Variants in TNKS observed in about 807,000 individuals in gnomAD.
TNKS encodes the protein tankyrase.
Under a neutral mutation model 135.8 loss-of-function variants are expected in TNKS, and 72 were observed. The ratio of observed to expected loss-of-function variants is 0.53; its 90% confidence interval spans 0.44 to 0.64. The LOEUF is 0.64. Among genes scored for constraint, TNKS ranks in the 30% least tolerant of loss-of-function variants. The probability of loss-of-function intolerance (pLI) is 0.00; values close to 1 mark genes in which losing one functional copy is unlikely to be tolerated. For missense variants in TNKS, 1,769 were observed against 1,674.0 expected (o/e 1.06, Z -0.99); for synonymous variants, 849 against 649.3 (o/e 1.31, Z -4.68).
At chr8:9,560,202 T>C (rs1797269272) in intron 1 of TNKS, among the ~76,000 whole-genome samples, 1 of 152,106 alleles carries the variant, frequency 6.6e-6, no homozygotes. Context: ...TCTCTTTTTA[T>C]AGAAAAGTTT....
At chr8:9,696,740 C>T (rs1803531613) in intron 5 of TNKS, among the ~76,000 whole-genome samples, 1 of 151,960 alleles carries the variant, frequency 6.6e-6, no homozygotes, top group Admixed American at 6.6e-5. Flanking sequence ...ATATAGCTAT[C>T]CCAGAGAGAT....
intron 22 of TNKS, 24 bp downstream of exon 22, chr8:9,763,268 A>G: frequency 6.7e-7 from 1 of 1,486,178 alleles, no homozygotes; most frequent in Non-Finnish European, 9.2e-7. Flanking sequence ...GAAATCTTTC[A>G]TTTGCTTTTC....
At chr8:9,568,296 A>G (rs542313701) in intron 1 of TNKS, among the ~76,000 whole-genome samples, 34 of 152,314 alleles carry the variant, frequency 2.2e-4, no homozygotes, top group African/African-American at 7.5e-4. Flanking sequence ...TGAGTAGTTC[A>G]GTAACAGCTC....
chr8:9,641,841 C>T (rs953136442), intron 3 of TNKS, among the ~76,000 whole-genome samples: 3 of 145,942 alleles, frequency 2.1e-5, no homozygotes, highest in African/African-American at 7.6e-5. Flanking sequence ...CTGCACAAGT[C>T]GTTTTCTGTA....
intron 3 of TNKS, among the ~76,000 whole-genome samples, chr8:9,620,699 G>A (rs1799833128): frequency 6.6e-6 from 1 of 152,128 alleles, no homozygotes. Context: ...GCTAACATAA[G>A]CTATTTACTG....
chr8:9,657,970 G>A (rs867579203), intron 3 of TNKS, among the ~76,000 whole-genome samples: 828 of 60,586 alleles, frequency 0.014, 17 homozygotes, highest in African/African-American at 0.045. Flanking sequence ...ACGGGGTCTC[G>A]GCCGGGCAGA....
chr8:9,645,258 G>C (rs1044109770), intron 3 of TNKS, among the ~76,000 whole-genome samples: 15 of 152,116 alleles, frequency 9.9e-5, no homozygotes, highest in Non-Finnish European at 2.1e-4. Flanking sequence ...CAAGATCAGG[G>C]AGAAGACATG....
intron 3 of TNKS, among the ~76,000 whole-genome samples, chr8:9,665,778 A>G (rs564454115): frequency 7.2e-5 from 11 of 151,942 alleles, no homozygotes; most frequent in African/African-American, 1.9e-4. Context: ...ACTCTCGTGA[A>G]TTCCCATTAT....
At chr8:9,598,392 A>G (rs1449022988) in intron 2 of TNKS, among the ~76,000 whole-genome samples, 1 of 152,178 alleles carries the variant, frequency 6.6e-6, no homozygotes, top group Non-Finnish European at 1.5e-5. Context: ...AAGCAGAATC[A>G]AATTATTACT....
chr8:9,690,706 A>G (rs1364786413), intron 5 of TNKS, among the ~76,000 whole-genome samples: 2 of 152,130 alleles, frequency 1.3e-5, no homozygotes, highest in East Asian at 1.9e-4. Context: ...AAGTAAATAA[A>G]TAAATAAATA....
At chr8:9,565,645 A>G (rs994700758) in intron 1 of TNKS, among the ~76,000 whole-genome samples, 7 of 151,960 alleles carry the variant, frequency 4.6e-5, no homozygotes, top group African/African-American at 1.5e-4. Flanking sequence ...AGGTCAGGAG[A>G]TGGAGGCCAT....
At chr8:9,587,131 C>G (rs1431780336) in intron 2 of TNKS, among the ~76,000 whole-genome samples, 1 of 151,708 alleles carries the variant, frequency 6.6e-6, no homozygotes, top group Admixed American at 6.6e-5. Flanking sequence ...GGTTGCTAAT[C>G]AGTTAATTTG....
intron 6 of TNKS, among the ~76,000 whole-genome samples, chr8:9,705,215 G>A (rs777326306): frequency 6.6e-6 from 1 of 152,168 alleles, no homozygotes; most frequent in African/African-American, 2.4e-5. Flanking sequence ...GAAGGTTGAT[G>A]TGAGGGGATA....
chr8:9,763,353 A>C, intron 22 of TNKS, 109 bp downstream of exon 22: 1 of 635,614 alleles, frequency 1.6e-6, no homozygotes. Flanking sequence ...ATGCCTATTA[A>C]TCAGTCTGTC....
intron 12 of TNKS, among the ~76,000 whole-genome samples, chr8:9,721,713 A>G (rs1001375045): frequency 6.6e-6 from 1 of 152,150 alleles, no homozygotes; most frequent in African/African-American, 2.4e-5. Flanking sequence ...AAATTCATAG[A>G]TAATATGACC....
In TNKS at chr8:9,556,433, T is replaced by TGGGGCCTGGGGCAGC; in HGVS notation, c.495_509dup (p.Ala169_Gly173dup). 1 of 1,614,104 alleles carries TGGGGCCTGGGGCAGC rather than the reference T, an allele frequency of 6.2e-7. No individual in the cohort carries two copies. ...GCCGGAGTTAGCAGCACAGCACCAC[T>TGGGGCCTGGGGCAGC]GGGGCCTGGGGCAGCAGGACCTGGG... On this transcript the variant is annotated inframe_insertion, in exon 1 of 27. Transcript: ENST00000310430.
At chr8:9,698,893 T>G (rs1042085206) in intron 5 of TNKS, among the ~76,000 whole-genome samples, 3 of 152,248 alleles carry the variant, frequency 2.0e-5, no homozygotes, top group Non-Finnish European at 2.9e-5. Context: ...AGGACTTCCT[T>G]AAGACCTTTT....
chr8:9,558,077 A>G (rs1192415279), intron 1 of TNKS: 2 of 152,190 alleles, frequency 1.3e-5, no homozygotes, highest in Non-Finnish European at 2.9e-5. Context: ...ATTGTAGCCC[A>G]TACTTAGAAA....
chr8:9,772,040 G>A (rs1215448534), intron 26 of TNKS, among the ~76,000 whole-genome samples: 2 of 119,044 alleles, frequency 1.7e-5, no homozygotes, highest in Non-Finnish European at 3.6e-5. Context: ...GGGAGTGAGA[G>A]GAGACAGAGG....
Sources: allele counts gnomAD v4.1 joint callset (sites outside exome capture counted in the v4.1 genomes callset), GRCh38; gene constraint gnomAD v4.1.1; transcripts MANE v1.5; gene names NCBI Gene and HGNC (gene_info 2026-07-23, HGNC 2026-07-21).